The following PCDH15 variants were observed in gnomAD, a reference collection of about 807,000 sequenced individuals.
The protein encoded by PCDH15 is protocadherin related 15, also known as protocadherin-15.
In PCDH15, 129 loss-of-function variants were observed where a neutral mutation model predicts 178.5. The ratio of observed to expected loss-of-function variants is 0.72; its 90% CI spans 0.63 to 0.84. PCDH15 has a LOEUF of 0.84. Among genes scored for constraint, PCDH15 ranks in the 40% least tolerant of loss-of-function variants. PCDH15 has a pLI of 0.00. For synonymous variants in PCDH15, 800 were observed against 732.0 expected (o/e 1.09, Z -1.50); for missense variants, 2,230 against 2,099.9 (o/e 1.06, Z -1.21).
intron 2 of PCDH15, among the ~76,000 whole-genome samples, chr10:55,338,656 C>A (rs1365765491): frequency 6.6e-6 from 1 of 151,890 alleles, no homozygotes; most frequent in Non-Finnish European, 1.5e-5. Context: ...TAATCCCTGC[C>A]ACTTGGGATG....
intron 1 of PCDH15, among the ~76,000 whole-genome samples, chr10:54,683,640 G>A (rs1199573284): frequency 5.3e-5 from 8 of 152,102 alleles, no homozygotes; most frequent in Non-Finnish European, 1.2e-4. Context: ...CAGAAGCTGA[G>A]CATGAGAGGT....
chr10:54,018,051 C>T (rs531614354), intron 20 of PCDH15, among the ~76,000 whole-genome samples: 2 of 152,206 alleles, frequency 1.3e-5, no homozygotes, highest in South Asian at 4.2e-4. Flanking sequence ...AATCATACTG[C>T]AACCTAAGAA....
At chr10:54,499,221 T>G (rs1350146212) in intron 3 of PCDH15, among the ~76,000 whole-genome samples, 4 of 152,030 alleles carry the variant, frequency 2.6e-5, no homozygotes, top group African/African-American at 9.7e-5. Flanking sequence ...ACAATGATAA[T>G]AGGAGACTTC....
chr10:54,346,535 A>G, intron 5 of PCDH15, 51 bp from the exon 6 acceptor site: 1 of 1,603,090 alleles, frequency 6.2e-7, no homozygotes, highest in Non-Finnish European at 8.5e-7. Context: ...TCAACTGCAC[A>G]CCAGAAATGT....
intron 2 of PCDH15, among the ~76,000 whole-genome samples, chr10:54,649,394 G>A (rs1453479328): frequency 6.6e-6 from 1 of 151,784 alleles, no homozygotes; most frequent in Admixed American, 6.6e-5. Context: ...ATTTTTCCTG[G>A]GGAGATATCA....
rs534926136 is a variant in PCDH15 at position 54,292,177 on chromosome 10, A to C, written c.876+25094T>G. On this transcript the variant is annotated intron_variant, in intron 8 of 37. Transcript: ENST00000644397. ...CAAGGCTGGTTCAACATACACAAAT[A>C]AATAAATGTAATCCATCACATAAAC... 2.0e-5 allele frequency among the ~76,000 whole-genome samples: 3 copies of C among 152,238 alleles called. No individual in the cohort carries two copies. The East Asian group carries it at 5.8e-4, about 29-fold the overall frequency.
chr10:53,824,813 T>C (rs2076567058), intron 32 of PCDH15, among the ~76,000 whole-genome samples: 1 of 152,122 alleles, frequency 6.6e-6, no homozygotes, highest in South Asian at 2.1e-4. Context: ...AAGAAATCTA[T>C]AAATAGGTTT....
At chr10:54,547,328 T>C (rs2085973321) in intron 2 of PCDH15, among the ~76,000 whole-genome samples, 1 of 152,178 alleles carries the variant, frequency 6.6e-6, no homozygotes, top group Non-Finnish European at 1.5e-5. Flanking sequence ...TATTTTGTTT[T>C]ACCTTTTCTA....
At chr10:53,850,428 C>A (rs1007040557) in intron 28 of PCDH15, among the ~76,000 whole-genome samples, 1 of 151,982 alleles carries the variant, frequency 6.6e-6, no homozygotes, top group Non-Finnish European at 1.5e-5. Flanking sequence ...AAAGACAAGT[C>A]ATTCTTCTTG....
chr10:55,074,626 G>T (rs1435897772), intron 2 of PCDH15, among the ~76,000 whole-genome samples: 3 of 152,062 alleles, frequency 2.0e-5, no homozygotes, highest in Non-Finnish European at 2.9e-5. Context: ...GATCTTTTCA[G>T]ATGGATAGAT....
At chr10:54,657,312 T>C (rs1226354380) in intron 2 of PCDH15, among the ~76,000 whole-genome samples, 3 of 152,154 alleles carry the variant, frequency 2.0e-5, no homozygotes, top group Non-Finnish European at 2.9e-5. Context: ...CGCTCTTCCA[T>C]TGAAACATTG....
Position 55,520,407 on chromosome 10 carries a change from T to C in PCDH15, c.-156+107218A>G, listed in dbSNP as rs756005646. ...GTAGTTACAAGTACTGTAACTACTA[T>C]TTATAAATGAGCTTCATTTATTTGA... On this transcript the variant is annotated intron_variant, in intron 2 of 5. Coordinates refer to the PCDH15 transcript ENST00000613346. 1.8e-3 allele frequency among the ~76,000 whole-genome samples: 256 copies of C among 146,206 alleles called. 5 individuals carry two copies. The highest frequency in any genetic ancestry group is 3.4e-3 in the Non-Finnish European group (227 of 66,504).
At chr10:54,836,453 A>G (rs1309185621) in intron 3 of PCDH15, among the ~76,000 whole-genome samples, 1 of 152,126 alleles carries the variant, frequency 6.6e-6, no homozygotes, top group African/African-American at 2.4e-5. Context: ...AGAAAAATAT[A>G]TTTTATATTT....
At position 54,730,574 on chromosome 10, in the gene PCDH15, G is replaced by T. The variant is rs548033522; in HGVS notation, c.-28-66284C>A. On this transcript the variant is annotated intron_variant, in intron 1 of 37. Coordinates refer to ENST00000644397, the MANE Select transcript of PCDH15 (RefSeq NM_001384140.1). ...GTTGGAAAGAACAAATCATAAGAAA[G>T]TAATCAAAGTAGAACCCAGATATAA... Among the ~76,000 whole-genome samples, 5 of 151,452 alleles carry T rather than the reference G, an allele frequency of 3.3e-5. No homozygotes were observed. The East Asian group carries it at 7.8e-4, about 24-fold the overall frequency.
intron 1 of PCDH15, among the ~76,000 whole-genome samples, chr10:54,749,715 A>C (rs1945945223): frequency 1.3e-5 from 2 of 152,144 alleles, no homozygotes; most frequent in Admixed American, 1.3e-4. Flanking sequence ...TTTACCTTTA[A>C]CAGTGATACA....
At chr10:54,317,883 A>G (rs145208295) in intron 7 of PCDH15, among the ~76,000 whole-genome samples, 1 of 152,310 alleles carries the variant, frequency 6.6e-6, no homozygotes, top group East Asian at 1.9e-4. Context: ...TGGTTGAGTC[A>G]GGATGTAAAC....
At chr10:54,248,895 G>T (rs558178326) in intron 8 of PCDH15, among the ~76,000 whole-genome samples, 1 of 152,086 alleles carries the variant, frequency 6.6e-6, no homozygotes, top group South Asian at 2.1e-4. Context: ...ATCATCTAGA[G>T]ACATTTTGAG....
Position 54,090,073 on chromosome 10 carries a change from G to C in PCDH15, c.1918-10C>G. 1 of 1,598,502 alleles carries C rather than the reference G, an allele frequency of 6.3e-7. No individual in the cohort carries two copies. Among genetic ancestry groups the C allele is most frequent in the Non-Finnish European group, 8.6e-7 (1 of 1,166,510 alleles). ...CCTCTCGATCAGTTGCCTTCAGAGAGAAAACATAATTCAATTATCAAGTAA... is the reference window on the plus strand; with the variant it reads ...CCTCTCGATCAGTTGCCTTCAGAGACAAAACATAATTCAATTATCAAGTAA... On this transcript the variant is annotated splice_polypyrimidine_tract_variant and intron_variant, in intron 15 of 37. Coordinates refer to ENST00000644397, the MANE Select transcript of PCDH15 (RefSeq NM_001384140.1).
At chr10:55,616,974 A>T (rs1843492406) in intron 2 of PCDH15, among the ~76,000 whole-genome samples, 1 of 152,114 alleles carries the variant, frequency 6.6e-6, no homozygotes, top group Admixed American at 6.6e-5. Context: ...TAAAGACATT[A>T]TTACATTAAT....
Sources: gnomAD v4.1 joint callset for allele counts (sites outside exome capture counted in the v4.1 genomes callset) on GRCh38, gnomAD v4.1.1 for gene constraint, MANE v1.5 for transcripts, NCBI Gene and HGNC (gene_info 2026-07-23, HGNC 2026-07-21) for gene names.